CPQ: variants seen among roughly 807,000 people sequenced by gnomAD.
CPQ encodes the protein Ser-Met dipeptidase.
In CPQ, 37 loss-of-function variants were observed where a neutral mutation model predicts 45.7. The observed-to-expected ratio is 0.81, with a 90% CI of 0.62 to 1.07. The LOEUF is 1.07. Ranked by LOEUF, CPQ falls within the 50% of genes least tolerant of loss-of-function variation. CPQ has a pLI of 0.00. For synonymous variants in CPQ, 186 were observed against 205.8 expected (o/e 0.90, Z 0.82); for missense variants, 537 against 572.9 (o/e 0.94, Z 0.64).
chr8:97,117,282 C>T (rs1353774573), intron 7 of CPQ, among the ~76,000 whole-genome samples: 1 of 152,140 alleles, frequency 6.6e-6, no homozygotes, highest in South Asian at 2.1e-4. Flanking sequence ...AGTCCCTATT[C>T]CAGATGAGGG....
chr8:96,728,958 A>C (rs151184792), intron 1 of CPQ, among the ~76,000 whole-genome samples: 1 of 152,144 alleles, frequency 6.6e-6, no homozygotes, highest in Admixed American at 6.5e-5. Flanking sequence ...AGGAAAAAAA[A>C]CAAACAAACC....
intron 1 of CPQ, among the ~76,000 whole-genome samples, chr8:96,709,682 G>T (rs1486019968): frequency 1.3e-5 from 2 of 152,092 alleles, no homozygotes; most frequent in African/African-American, 4.8e-5. Flanking sequence ...AAATGTGGTT[G>T]TGTATTAACT....
chr8:96,666,234 G>A (rs904385354), intron 1 of CPQ, among the ~76,000 whole-genome samples: 5 of 152,144 alleles, frequency 3.3e-5, no homozygotes, highest in Admixed American at 1.3e-4. Context: ...TGATAAGGGA[G>A]GTCATGCTGG....
At chr8:97,012,940 T>C (rs1809515476) in intron 5 of CPQ, among the ~76,000 whole-genome samples, 1 of 152,154 alleles carries the variant, frequency 6.6e-6, no homozygotes, top group African/African-American at 2.4e-5. Flanking sequence ...TTGAGATAAA[T>C]AGCCCTTCCC....
chr8:96,926,493 A>G (rs1045451151), intron 4 of CPQ, among the ~76,000 whole-genome samples: 5 of 151,960 alleles, frequency 3.3e-5, no homozygotes, highest in Admixed American at 3.3e-4. Context: ...CGATGTACAA[A>G]TTCCTAGGAG....
intron 6 of CPQ, among the ~76,000 whole-genome samples, chr8:97,061,358 A>G (rs1810548990): frequency 6.6e-6 from 1 of 152,126 alleles, no homozygotes; most frequent in African/African-American, 2.4e-5. Flanking sequence ...TGATCATGAA[A>G]AAAAGTTTTT....
chr8:96,809,970 C>T (rs1411606024), intron 2 of CPQ, among the ~76,000 whole-genome samples: 2 of 152,156 alleles, frequency 1.3e-5, no homozygotes, highest in African/African-American at 4.8e-5. Context: ...GTCCCCCATA[C>T]ACACCTTACT....
intron 6 of CPQ, among the ~76,000 whole-genome samples, chr8:97,062,021 T>A (rs1291829217): frequency 6.6e-6 from 1 of 152,134 alleles, no homozygotes; most frequent in African/African-American, 2.4e-5. Context: ...AAACCTTCTT[T>A]ATTTACACTA....
intron 1 of CPQ, among the ~76,000 whole-genome samples, chr8:96,719,323 G>A (rs1203257139): frequency 1.3e-5 from 2 of 152,358 alleles, no homozygotes; most frequent in East Asian, 3.9e-4. Flanking sequence ...GCAGCCACTG[G>A]CCTGGGTGCT....
intron 5 of CPQ, among the ~76,000 whole-genome samples, chr8:96,996,426 T>TC (rs1324197354): frequency 6.6e-6 from 1 of 151,934 alleles, no homozygotes; most frequent in Non-Finnish European, 1.5e-5. Flanking sequence ...ACCAAAGTCT[T>TC]CCCCATTTCA....
At chr8:96,712,075 C>G (rs117907099) in intron 1 of CPQ, among the ~76,000 whole-genome samples, 7,581 of 152,102 alleles carry the variant, frequency 0.05, 250 homozygotes, top group Middle Eastern at 0.12. Flanking sequence ...CCTTTCAAGT[C>G]TGAAATCTAA....
intron 2 of CPQ, among the ~76,000 whole-genome samples, chr8:96,818,022 C>T (rs1263781805): frequency 6.6e-6 from 1 of 152,010 alleles, no homozygotes; most frequent in African/African-American, 2.4e-5. Flanking sequence ...GACATGCCTT[C>T]CTCACTAAGC....
intron 4 of CPQ, among the ~76,000 whole-genome samples, chr8:96,959,891 C>CAAAAA (rs540520742): frequency 1.2e-5 from 1 of 80,554 alleles, no homozygotes; most frequent in African/African-American, 3.7e-5. Flanking sequence ...ATCACAAAAG[C>CAAAAA]AAAAAAAAAA....
At chr8:96,913,113 G>A (rs909744575) in intron 4 of CPQ, among the ~76,000 whole-genome samples, 1 of 152,104 alleles carries the variant, frequency 6.6e-6, no homozygotes, top group Non-Finnish European at 1.5e-5. Context: ...AGGGGGAAAG[G>A]TCCCATGACT....
intron 1 of CPQ, among the ~76,000 whole-genome samples, chr8:96,717,918 A>G (rs1809705798): frequency 6.6e-6 from 1 of 152,198 alleles, no homozygotes; most frequent in Non-Finnish European, 1.5e-5. Flanking sequence ...GGTGACAGTA[A>G]GCCCTACTTA....
intron 1 of CPQ, among the ~76,000 whole-genome samples, chr8:96,647,509 A>G (rs1468519239): frequency 6.6e-6 from 1 of 152,234 alleles, no homozygotes; most frequent in Non-Finnish European, 1.5e-5. Context: ...AACTAGAAAC[A>G]GTACATGGAA....
intron 4 of CPQ, among the ~76,000 whole-genome samples, chr8:96,894,944 G>T (rs919602576): frequency 1.3e-5 from 2 of 152,102 alleles, no homozygotes; most frequent in African/African-American, 4.8e-5. Flanking sequence ...GTTTTACTTG[G>T]CATCATGCTA....
At chr8:96,790,438 C>T (rs945051501) in intron 2 of CPQ, among the ~76,000 whole-genome samples, 1 of 152,088 alleles carries the variant, frequency 6.6e-6, no homozygotes, top group African/African-American at 2.4e-5. Context: ...AGAGTTTCCA[C>T]CCTATGAGTA....
intron 4 of CPQ, among the ~76,000 whole-genome samples, chr8:96,899,730 G>A (rs1476498168): frequency 6.9e-6 from 1 of 145,130 alleles, no homozygotes; most frequent in East Asian, 1.9e-4. Flanking sequence ...CTCCCACCAG[G>A]CCCCACCTCC....
Sources: allele counts gnomAD v4.1 joint callset (sites outside exome capture counted in the v4.1 genomes callset), GRCh38; gene constraint gnomAD v4.1.1; transcripts MANE v1.5; gene names NCBI Gene and HGNC (gene_info 2026-07-23, HGNC 2026-07-21).